Variants in RARS1 observed in about 807,000 individuals in gnomAD.
RARS1 encodes the protein arginyl-tRNA synthetase 1, also known as arginine--tRNA ligase, cytoplasmic.
In RARS1, 75 loss-of-function variants were observed where a neutral mutation model predicts 78.7. The ratio of observed to expected loss-of-function variants is 0.95; its 90% CI spans 0.79 to 1.15. RARS1 has a LOEUF of 1.15. Among genes scored for constraint, RARS1 ranks in the 50% most tolerant of loss-of-function variants. RARS1 has a pLI of 0.00. For synonymous variants in RARS1, 273 were observed against 268.2 expected (o/e 1.02, Z -0.18); for missense variants, 787 against 787.5 (o/e 1.00, Z 0.01).
In RARS1 at chr5:168,506,693, T is replaced by G. The variant is rs767741256; in HGVS notation, c.1237-29T>G. 2.7e-6 allele frequency: 4 copies of G among 1,493,846 alleles called. No individual in the cohort carries two copies. In the South Asian group the frequency reaches 3.6e-5, roughly 13 times the overall value. The allele number at this position is 1,493,846 out of a possible 1,614,324, so 92.5% of individuals were successfully genotyped here. On this transcript the variant is annotated intron_variant, in intron 10 of 14. Coordinates refer to ENST00000231572, the MANE Select transcript of RARS1 (RefSeq NM_002887.4). ...CTTTTTTTTTTTCTTTAAAGAAGACTAGCAAGTAACTTTCCGTTTCTGTTG... is the reference window on the plus strand; with the variant it reads ...CTTTTTTTTTTTCTTTAAAGAAGACGAGCAAGTAACTTTCCGTTTCTGTTG...
chr5:168,497,204 T>A (rs1433768897), intron 6 of RARS1, 24 bp from the exon 7 acceptor site: 1 of 1,404,394 alleles, frequency 7.1e-7, no homozygotes, highest in East Asian at 2.7e-5. Context: ...AAAAAATGAT[T>A]ATATATTCTC....
intron 11 of RARS1, among the ~76,000 whole-genome samples, chr5:168,509,135 T>C (rs1011931152): frequency 1.3e-5 from 2 of 152,158 alleles, no homozygotes; most frequent in Non-Finnish European, 2.9e-5. Flanking sequence ...GCAAAGTAGA[T>C]TAAGGAAGGT....
At chr5:168,517,246 G>A (rs370670770) in intron 13 of RARS1, among the ~76,000 whole-genome samples, 3 of 152,118 alleles carry the variant, frequency 2.0e-5, no homozygotes, top group African/African-American at 7.2e-5. Flanking sequence ...GGGTTCAGGT[G>A]ATTCTCCTGC....
At position 168,492,732 on chromosome 5, in the gene RARS1, G is replaced by A. The variant is rs1758110544; in HGVS notation, c.254G>A (p.Gly85Asp). 1.2e-6 allele frequency: 2 copies of A among 1,613,020 alleles called. No homozygotes were observed. Among genetic ancestry groups the A allele is most frequent in the East Asian group, 2.2e-5 (1 of 44,868 alleles). ...ATTAGCCGCCTACAAGAGGTCTTTGGTCATGCAATTAAGGCTGCATATCCA... is the reference window on the plus strand; with the variant it reads ...ATTAGCCGCCTACAAGAGGTCTTTGATCATGCAATTAAGGCTGCATATCCA... ...NIISRLQEVF[G>D]HAIKAAYPDL... is the part of the protein sequence containing the mutation. The change falls in exon 3 of 15, where the codon GGT becomes GAT. Residue 85 changes from glycine (G) to aspartate (D), a missense_variant. Gly to Asp is a moderately conservative substitution (Grantham distance 94). Coordinates refer to ENST00000231572, the MANE Select transcript of RARS1 (RefSeq NM_002887.4).
In RARS1 at chr5:168,513,183, C is replaced by T. The variant is rs1326537528; in HGVS notation, c.1452+2497C>T. On this transcript the variant is annotated intron_variant, in intron 12 of 14. Coordinates refer to ENST00000231572, the MANE Select transcript of RARS1 (RefSeq NM_002887.4). Reference sequence around the variant, plus strand: ...GCCTCAGCCTCCTGAGTAGCTGGGACTACAGGCACCCACCATCACGCCCTG... The same window carrying T: ...GCCTCAGCCTCCTGAGTAGCTGGGATTACAGGCACCCACCATCACGCCCTG... Among the ~76,000 whole-genome samples, 3 of 150,586 alleles carry T rather than the reference C, an allele frequency of 2.0e-5. No individual in the cohort carries two copies. In the East Asian group the frequency reaches 5.8e-4, roughly 29 times the overall value.
At chr5:168,490,795 G>A (rs1341117296) in intron 2 of RARS1, among the ~76,000 whole-genome samples, 1 of 151,994 alleles carries the variant, frequency 6.6e-6, no homozygotes, top group Non-Finnish European at 1.5e-5. Context: ...CGTGTGTGTA[G>A]GTACACACAC....
chr5:168,502,971 A>G (rs186928636), intron 9 of RARS1, among the ~76,000 whole-genome samples: 6 of 152,260 alleles, frequency 3.9e-5, no homozygotes, highest in South Asian at 2.1e-4. Context: ...AAACTGGGCT[A>G]TTTGTCCTAA....
chr5:168,495,499 G>C, intron 6 of RARS1, 63 bp downstream of exon 6: 1 of 1,551,728 alleles, frequency 6.4e-7, no homozygotes, highest in South Asian at 1.2e-5. Flanking sequence ...AAATTCTATA[G>C]AACATGGAAT....
In RARS1 at chr5:168,517,799, T is replaced by C; in HGVS notation, c.1626-16T>C. On this transcript the variant is annotated splice_polypyrimidine_tract_variant and intron_variant, in intron 13 of 14. Coordinates refer to ENST00000231572, the MANE Select transcript of RARS1 (RefSeq NM_002887.4). ...AACAGTGGTGATTGCCTGATGATTT[T>C]TTTGTTTTTTTTAAGGTCTATTGCA... The C allele has an allele frequency of 1.9e-6, 3 of 1,558,422 alleles. No individual in the cohort carries two copies. Among genetic ancestry groups the C allele is most frequent in the Non-Finnish European group, 2.6e-6 (3 of 1,149,710 alleles).
intron 6 of RARS1, 159 bp from the exon 7 acceptor site, chr5:168,497,069 C>T: frequency 1.9e-6 from 1 of 518,012 alleles, no homozygotes; most frequent in Non-Finnish European, 3.1e-6. Flanking sequence ...GTGGAGTTTG[C>T]AGACCAGTTG....
chr5:168,494,503 A>G (rs769507413), intron 4 of RARS1, 47 bp from the exon 5 acceptor site: 19 of 1,601,282 alleles, frequency 1.2e-5, no homozygotes, highest in Non-Finnish European at 1.6e-5. Flanking sequence ...GCGAGTGATT[A>G]TTCAAGATAA....
At position 168,492,826 on chromosome 5, in the gene RARS1, T is replaced by C; in HGVS notation, c.348T>C (p.Asn116=). ...QQAKFGDYQC[N]SAMGISQMLK... is the part of the protein sequence containing the mutation. ...CCAAGTTTGGGGACTATCAGTGTAA[T>C]AGTGCTATGGGTATTTCTCAGGTGA... Residue 116 remains asparagine (N), a synonymous_variant, in exon 3 of 15, where the codon AAT becomes AAC. Transcript: ENST00000231572. 1 of 1,612,110 alleles carries C rather than the reference T, an allele frequency of 6.2e-7. No homozygotes were observed.
At chr5:168,515,239 T>C (rs1164854879) in intron 12 of RARS1, among the ~76,000 whole-genome samples, 1 of 152,218 alleles carries the variant, frequency 6.6e-6, no homozygotes, top group Non-Finnish European at 1.5e-5. Flanking sequence ...TTTTTTCTTT[T>C]GTTTCTGTTG....
At chr5:168,491,857 A>G (rs1031898336) in intron 2 of RARS1, among the ~76,000 whole-genome samples, 3 of 151,374 alleles carry the variant, frequency 2.0e-5, no homozygotes, top group African/African-American at 7.3e-5. Flanking sequence ...TAAAATTGTG[A>G]TGAACATGTT....
chr5:168,518,543 C>T (rs1285293738), intron 14 of RARS1, among the ~76,000 whole-genome samples: 1 of 152,100 alleles, frequency 6.6e-6, no homozygotes, highest in African/African-American at 2.4e-5. Context: ...TTCCAACAAA[C>T]ACAATGTGTT....
chr5:168,509,451 C>G (rs1027152322), intron 11 of RARS1, among the ~76,000 whole-genome samples: 3 of 112,390 alleles, frequency 2.7e-5, no homozygotes, highest in East Asian at 3.4e-4. Flanking sequence ...CCCCCCCCCC[C>G]ACCAAAAAAA....
Position 168,510,571 on chromosome 5 carries a change from C to T in RARS1, c.1347-10C>T. 6.3e-7 allele frequency: 1 copy of T among 1,593,198 alleles called. No individual in the cohort carries two copies. ...TTTCAAAATCTGATTGGGGGTTTTA[C>T]ATTTTTTAGGAAAAAGTTTAAAACA... On this transcript the variant is annotated splice_polypyrimidine_tract_variant and intron_variant, in intron 11 of 14. Coordinates refer to ENST00000231572, the MANE Select transcript of RARS1 (RefSeq NM_002887.4).
chr5:168,490,637 C>G (rs1286278705), intron 2 of RARS1, among the ~76,000 whole-genome samples: 5 of 152,168 alleles, frequency 3.3e-5, no homozygotes, highest in African/African-American at 1.2e-4. Flanking sequence ...TGTGTGATGG[C>G]CATTCACCCT....
At chr5:168,502,663 C>G (rs936131468) in intron 9 of RARS1, among the ~76,000 whole-genome samples, 1 of 150,788 alleles carries the variant, frequency 6.6e-6, no homozygotes, top group Non-Finnish European at 1.5e-5. Flanking sequence ...CCTCCGCCTC[C>G]TGGGTTCAAG....
Sources: gnomAD v4.1 joint callset for allele counts (sites outside exome capture counted in the v4.1 genomes callset) on GRCh38, gnomAD v4.1.1 for gene constraint, MANE v1.5 for transcripts, NCBI Gene and HGNC (gene_info 2026-07-23, HGNC 2026-07-21) for gene names.